The following SLAMF9 variants were observed in gnomAD, a reference collection of about 807,000 sequenced individuals.
SLAMF9 encodes the protein SLAM family member 9.
SLAMF9 carries 25 observed loss-of-function variants against 30.4 expected under a neutral mutation model. That is an observed-to-expected ratio of 0.82 (90% CI 0.60 to 1.15). The LOEUF (loss-of-function observed/expected upper bound fraction) is 1.15, where lower values mean the gene tolerates loss of function less well. SLAMF9 is among the 50% of genes most tolerant of loss of function. The probability of loss-of-function intolerance (pLI) is 0.00; values close to 1 mark genes in which losing one functional copy is unlikely to be tolerated. For synonymous variants in SLAMF9, 129 were observed against 127.2 expected (o/e 1.01, Z -0.09); for missense variants, 344 against 346.1 (o/e 0.99, Z 0.05).
At chr1:159,963,832 G>A in the SLAMF9 span, among the ~76,000 whole-genome samples, 85 of 152,166 alleles carry the variant, frequency 5.6e-4, no homozygotes, top group Admixed American at 1.4e-3. Context: ...AGGCCGAGGC[G>A]GGCAGATCAC....
At chr1:159,957,824 A>G (rs1383281324), upstream of SLAMF9, among the ~76,000 whole-genome samples, 2 of 152,044 alleles carry the variant, frequency 1.3e-5, no homozygotes, top group Non-Finnish European at 2.9e-5. Context: ...GCAAGGAAAG[A>G]AAAGAAAACA....
chr1:159,970,025 A>C, the SLAMF9 span, among the ~76,000 whole-genome samples: 68 of 152,262 alleles, frequency 4.5e-4, no homozygotes, highest in South Asian at 5.0e-3. Flanking sequence ...GCACCTCTGC[A>C]CTCCAGTGTG....
the SLAMF9 span, among the ~76,000 whole-genome samples, chr1:159,972,064 G>C: frequency 2.0e-4 from 31 of 152,182 alleles, no homozygotes; most frequent in Admixed American, 1.7e-3. Context: ...ACAACCCTGG[G>C]GGGAGGGTGC....
the SLAMF9 span, chr1:159,980,684 G>A: frequency 6.6e-6 from 1 of 152,374 alleles, no homozygotes; most frequent in Non-Finnish European, 1.5e-5. Context: ...TGGGATTACA[G>A]GCATGCGCCA....
upstream of SLAMF9, among the ~76,000 whole-genome samples, chr1:159,955,171 G>A (rs912110037): frequency 1.1e-4 from 17 of 152,046 alleles, no homozygotes; most frequent in Admixed American, 3.9e-4. Context: ...ACTTTAAATC[G>A]TTTTGTGAGA....
the SLAMF9 span, chr1:159,973,980 G>T: frequency 6.2e-7 from 1 of 1,610,348 alleles, no homozygotes; most frequent in Non-Finnish European, 8.5e-7. Flanking sequence ...CTGAGACAGT[G>T]GTGTATTCTT....
At chr1:159,959,328 T>C in the SLAMF9 span, among the ~76,000 whole-genome samples, 1 of 152,118 alleles carries the variant, frequency 6.6e-6, no homozygotes, top group African/African-American at 2.4e-5. Flanking sequence ...TGCATCTCTA[T>C]TCTGGGTGGT....
the SLAMF9 span, among the ~76,000 whole-genome samples, chr1:159,977,933 G>A: frequency 3.9e-5 from 6 of 152,266 alleles, no homozygotes; most frequent in Admixed American, 2.0e-4. Context: ...AAAGGGAGGG[G>A]GTGAGATTAG....
At chr1:159,971,505 C>T in the SLAMF9 span, among the ~76,000 whole-genome samples, 1 of 152,168 alleles carries the variant, frequency 6.6e-6, no homozygotes, top group African/African-American at 2.4e-5. Context: ...AGCAGGGACC[C>T]TCTGTGCTCA....
At chr1:159,966,604 T>C in the SLAMF9 span, among the ~76,000 whole-genome samples, 11 of 152,196 alleles carry the variant, frequency 7.2e-5, no homozygotes, top group Non-Finnish European at 1.6e-4. Flanking sequence ...GTTCCCTTTT[T>C]TCTGTGTCTT....
At chr1:159,961,722 C>T in the SLAMF9 span, among the ~76,000 whole-genome samples, 2 of 152,090 alleles carry the variant, frequency 1.3e-5, no homozygotes, top group Non-Finnish European at 2.9e-5. Flanking sequence ...GAGAGCTGGG[C>T]ACACTGAAGT....
chr1:159,981,541 G>A, the SLAMF9 span, among the ~76,000 whole-genome samples: 919 of 152,310 alleles, frequency 6.0e-3, 3 homozygotes, highest in Middle Eastern at 0.024. Flanking sequence ...CCAGACCAGG[G>A]GGTGCTGGCA....
At chr1:159,961,986 C>T in the SLAMF9 span, among the ~76,000 whole-genome samples, 6 of 151,832 alleles carry the variant, frequency 4.0e-5, no homozygotes, top group Non-Finnish European at 8.8e-5. Flanking sequence ...GTGAAACCCC[C>T]GTCTCTACTA....
chr1:159,968,255 T>C, the SLAMF9 span, among the ~76,000 whole-genome samples: 1 of 152,240 alleles, frequency 6.6e-6, no homozygotes. Context: ...TGGATTTTAC[T>C]GTGTTGAGGT....
chr1:159,973,130 C>T, the SLAMF9 span: 44 of 1,539,018 alleles, frequency 2.9e-5, no homozygotes, highest in East Asian at 9.7e-4. Context: ...GGCCCCTGTC[C>T]TGCAAGGTGT....
the SLAMF9 span, among the ~76,000 whole-genome samples, chr1:159,969,925 C>T: frequency 1.3e-5 from 2 of 152,158 alleles, no homozygotes; most frequent in South Asian, 4.2e-4. Flanking sequence ...TGGTGCACTT[C>T]TGTAGTCCCA....
At chr1:159,971,755 C>A in the SLAMF9 span, among the ~76,000 whole-genome samples, 7 of 152,114 alleles carry the variant, frequency 4.6e-5, no homozygotes, top group African/African-American at 1.7e-4. Flanking sequence ...GTCCTGGCAG[C>A]TTTGCAGGAC....
chr1:159,961,479 T>A, the SLAMF9 span: 1 of 152,276 alleles, frequency 6.6e-6, no homozygotes, highest in South Asian at 2.1e-4. Flanking sequence ...TATCCTATTC[T>A]GAGGCCAGCC....
chr1:159,954,907 C>T (rs567131722), upstream of SLAMF9, among the ~76,000 whole-genome samples: 3 of 151,932 alleles, frequency 2.0e-5, no homozygotes, highest in South Asian at 2.1e-4. Flanking sequence ...GGTGAAACCC[C>T]GTCTCTACTA....
Sources: gnomAD v4.1 joint callset for allele counts (sites outside exome capture counted in the v4.1 genomes callset) on GRCh38, gnomAD v4.1.1 for gene constraint, MANE v1.5 for transcripts, NCBI Gene and HGNC (gene_info 2026-07-23, HGNC 2026-07-21) for gene names.